The following HMCN1 variants were observed in gnomAD, a reference collection of about 807,000 sequenced individuals.
HMCN1 encodes the protein hemicentin-1.
A neutral mutation model predicts 625.9 loss-of-function variants in HMCN1; 321 were observed. The ratio of observed to expected loss-of-function variants is 0.51; its 90% confidence interval spans 0.47 to 0.56. The LOEUF is 0.56. HMCN1 is among the 20% of genes least tolerant of loss of function. HMCN1 has a pLI of 0.00. For missense variants in HMCN1, 6,588 were observed against 6,887.3 expected (o/e 0.96, Z 1.54); for synonymous variants, 2,425 against 2,417.6 (o/e 1.00, Z -0.09).
chr1:185,942,912 T>C (rs1668154242), intron 11 of HMCN1, among the ~76,000 whole-genome samples: 1 of 152,112 alleles, frequency 6.6e-6, no homozygotes, highest in Non-Finnish European at 1.5e-5. Context: ...AAGAGGCATT[T>C]TATTTACTTT....
chr1:186,009,376 T>C (rs76459071), intron 30 of HMCN1, among the ~76,000 whole-genome samples: 5,145 of 152,284 alleles, frequency 0.034, 291 homozygotes, highest in African/African-American at 0.12. Context: ...AGCAAAGTTT[T>C]GAATATTATA....
At chr1:186,005,515 A>G (rs187546768) in intron 29 of HMCN1, among the ~76,000 whole-genome samples, 217 of 148,664 alleles carry the variant, frequency 1.5e-3, no homozygotes, top group African/African-American at 5.3e-3. Flanking sequence ...CAAGTTTTTA[A>G]TTGTTTAAAT....
At chr1:186,180,878 CACA>C (rs113026158) in intron 104 of HMCN1, among the ~76,000 whole-genome samples, 26,176 of 152,016 alleles carry the variant, frequency 0.17, 2,416 homozygotes, top group African/African-American at 0.25. Context: ...TTTGGTATTA[CACA>C]ACAAGACCAA....
Position 186,007,109 on chromosome 1 carries a change from A to G in HMCN1, c.4476-19A>G. The G allele has an allele frequency of 1.3e-6, 2 of 1,596,404 alleles. No homozygotes were observed. Among genetic ancestry groups the G allele is most frequent in the Non-Finnish European group, 1.7e-6 (2 of 1,164,420 alleles). ...AAAACTGAAAATAGACCCATGGAAT[A>G]AAGTTTTATTTTTTCTAGGCCTTTA... is the stretch of plus-strand genomic sequence containing the variant. On this transcript the variant is annotated intron_variant, in intron 29 of 106. Coordinates refer to ENST00000271588, the MANE Select transcript of HMCN1 (RefSeq NM_031935.3).
At chr1:185,994,290 A>C (rs190123438) in intron 23 of HMCN1, among the ~76,000 whole-genome samples, 1 of 152,262 alleles carries the variant, frequency 6.6e-6, no homozygotes, top group East Asian at 1.9e-4. Context: ...GGAAGTCGAT[A>C]AAAGGAAGAG....
At chr1:185,841,530 A>C (rs1046986330) in intron 1 of HMCN1, among the ~76,000 whole-genome samples, 1 of 152,156 alleles carries the variant, frequency 6.6e-6, no homozygotes, top group Non-Finnish European at 1.5e-5. Context: ...AAAGAATCTG[A>C]AGGCCTAGGT....
chr1:186,013,694 AC>A (rs1323453313), intron 30 of HMCN1, among the ~76,000 whole-genome samples: 1 of 152,136 alleles, frequency 6.6e-6, no homozygotes, highest in Admixed American at 6.6e-5. Flanking sequence ...AAACAATAAA[AC>A]AAAACAAAAT....
At position 186,048,854 on chromosome 1, in the gene HMCN1, C is replaced by T; in HGVS notation, c.6577+15C>T. On this transcript the variant is annotated intron_variant, in intron 42 of 106. Coordinates refer to ENST00000271588, the MANE Select transcript of HMCN1 (RefSeq NM_031935.3). ...CAACATTTGGGGTAAGTGTAATCAG[C>T]TCTTGAAAGCAAATAATGCAGCTGT... 1.3e-6 allele frequency: 2 copies of T among 1,482,202 alleles called. No homozygotes were observed. The highest frequency in any genetic ancestry group is 1.9e-6 in the Non-Finnish European group (2 of 1,062,330). 91.8% of individuals were successfully genotyped at this position (1,482,202 alleles called of 1,614,324 possible).
rs118097543 is a variant in HMCN1 at position 185,976,259 on chromosome 1, T to C, written c.2372-1528T>C. ...AACAGCCAGAGATCAATAACAGACA[T>C]TACATTTGTGGGAGATGGTAATAAC... On this transcript the variant is annotated intron_variant, in intron 15 of 106. Coordinates refer to ENST00000271588, the MANE Select transcript of HMCN1 (RefSeq NM_031935.3). Among the ~76,000 whole-genome samples the C allele has an allele frequency of 7.8e-4, 118 of 152,188 alleles. 5 individuals carry two copies. The East Asian group carries it at 0.014, about 18-fold the overall frequency.
In HMCN1 at chr1:185,889,482, G is replaced by A. The variant is rs61829912; in HGVS notation, c.622-19855G>A. 3.5e-4 allele frequency among the ~76,000 whole-genome samples: 49 copies of A among 138,990 alleles called. No individual in the cohort carries two copies. In the East Asian group the frequency reaches 8.0e-3, roughly 23 times the overall value. The allele number at this position is 138,990 out of a possible 152,430, so 91.2% of individuals were successfully genotyped here. On this transcript the variant is annotated intron_variant, in intron 4 of 106. Transcript: ENST00000271588. Reference sequence around the variant, plus strand: ...AGCTCTTATTATTTTGAAATATGTCGCATCAATACCTAATTTATTGAGAGT... The same window carrying A: ...AGCTCTTATTATTTTGAAATATGTCACATCAATACCTAATTTATTGAGAGT...
chr1:186,144,163 G>A lies in HMCN1; in HGVS notation c.13925-10G>A. The A allele has an allele frequency of 1.3e-6, 2 of 1,583,962 alleles. No homozygotes were observed. Among genetic ancestry groups the A allele is most frequent in the Non-Finnish European group, 1.7e-6 (2 of 1,167,064 alleles). ...CTGTGACTTGCAACTGTCTTTTGGG[G>A]TGTTTGCAGTTCATGGAGCATGGAG... On this transcript the variant is annotated splice_polypyrimidine_tract_variant and intron_variant, in intron 89 of 106. Transcript: ENST00000271588.
chr1:186,071,077 G>T (rs1002814958), intron 52 of HMCN1, among the ~76,000 whole-genome samples: 9 of 152,078 alleles, frequency 5.9e-5, no homozygotes, highest in Non-Finnish European at 8.8e-5. Context: ...CCTCCCACTG[G>T]AGAAGTTAGG....
intron 1 of HMCN1, among the ~76,000 whole-genome samples, chr1:185,790,905 T>C (rs1388771830): frequency 6.6e-6 from 1 of 152,206 alleles, no homozygotes; most frequent in Non-Finnish European, 1.5e-5. Flanking sequence ...GAGAGACTAA[T>C]GGTGTATATA....
In HMCN1 at chr1:186,128,062, CT is replaced by C. The variant is rs751950084; in HGVS notation, c.12691-9del. On this transcript the variant is annotated splice_polypyrimidine_tract_variant and intron_variant, in intron 82 of 106. Transcript: ENST00000271588. ...GATGATTATGAAATTTTAAATGTTACTTTTTTTAATTTTAGCTGGAGGATTC... is the reference window on the plus strand; with the variant it reads ...GATGATTATGAAATTTTAAATGTTACTTTTTTAATTTTAGCTGGAGGATTC... The C allele has an allele frequency of 1.1e-5, 18 of 1,608,940 alleles. 1 individual carries two copies. The South Asian group carries it at 1.4e-4, about 13-fold the overall frequency.
At chr1:186,152,104 G>A (rs1650710774) in intron 95 of HMCN1, among the ~76,000 whole-genome samples, 1 of 152,086 alleles carries the variant, frequency 6.6e-6, no homozygotes, top group South Asian at 2.1e-4. Context: ...GATCCAATTA[G>A]GATACTTTAT....
At chr1:185,894,533 C>G (rs971504219) in intron 4 of HMCN1, among the ~76,000 whole-genome samples, 1 of 152,140 alleles carries the variant, frequency 6.6e-6, no homozygotes, top group Non-Finnish European at 1.5e-5. Context: ...AGATGGATCA[C>G]TGGGCATGAT....
At chr1:185,778,701 T>G (rs975595999) in intron 1 of HMCN1, among the ~76,000 whole-genome samples, 1 of 152,124 alleles carries the variant, frequency 6.6e-6, no homozygotes, top group African/African-American at 2.4e-5. Context: ...CTGCATAGTA[T>G]TCCATGGTGT....
chr1:185,964,662 C>T (rs1004301373), intron 13 of HMCN1, among the ~76,000 whole-genome samples: 3 of 151,934 alleles, frequency 2.0e-5, no homozygotes, highest in Admixed American at 6.6e-5. Context: ...TGGATATATA[C>T]GGAAATATAA....
intron 1 of HMCN1, among the ~76,000 whole-genome samples, chr1:185,791,002 T>A (rs1657953035): frequency 6.6e-6 from 1 of 152,198 alleles, no homozygotes; most frequent in African/African-American, 2.4e-5. Flanking sequence ...AAACTTATTT[T>A]TTTTCTTCAC....
Sources: gnomAD v4.1 joint callset for allele counts (sites outside exome capture counted in the v4.1 genomes callset) on GRCh38, gnomAD v4.1.1 for gene constraint, MANE v1.5 for transcripts, NCBI Gene and HGNC (gene_info 2026-07-23, HGNC 2026-07-21) for gene names.